Variants in SPARCL1 observed in about 807,000 individuals in gnomAD.
SPARCL1 encodes SPARC-like protein 1.
SPARCL1 carries 52 observed loss-of-function variants against 67.1 expected under a neutral mutation model. The ratio of observed to expected loss-of-function variants is 0.78; its 90% CI spans 0.62 to 0.98. The LOEUF (loss-of-function observed/expected upper bound fraction) is 0.98. Among genes scored for constraint, SPARCL1 ranks in the 50% least tolerant of loss-of-function variants. The pLI is 0.00. For missense variants in SPARCL1, 717 were observed against 782.4 expected, an observed-to-expected ratio of 0.92 and a Z score of 1.00; for synonymous variants, 226 against 267.8, an observed-to-expected ratio of 0.84 and a Z score of 1.52.
At chr4:87,499,631 C>A (rs1305671518) in intron 1 of SPARCL1, 46 bp from the exon 2 acceptor site, 2 of 1,397,756 alleles carry the variant, frequency 1.4e-6, no homozygotes, top group East Asian at 4.7e-5. Flanking sequence ...AAAGTTTCCT[C>A]ATGAAAAACT....
chr4:87,520,541 C>T (rs1725769750), intron 1 of SPARCL1, among the ~76,000 whole-genome samples: 1 of 152,130 alleles, frequency 6.6e-6, no homozygotes, highest in Admixed American at 6.5e-5. Flanking sequence ...GCAAGGCAAG[C>T]CAAGGTCATT....
Position 87,491,698 on chromosome 4 carries a change from A to AT in SPARCL1, c.1219-9dup. 1 of 1,606,546 alleles carries AT rather than the reference A, an allele frequency of 6.2e-7. No homozygotes were observed. On this transcript the variant is annotated splice_polypyrimidine_tract_variant and intron_variant, in intron 4 of 10. Coordinates refer to ENST00000282470, the MANE Select transcript of SPARCL1 (RefSeq NM_004684.6). ...GTTCTCTGCTTTCTTGGCCTTTAGA[A>AT]TAACAAGAGCAAAAGTTAAAATCTA...
intron 1 of SPARCL1, among the ~76,000 whole-genome samples, chr4:87,514,328 T>G (rs139940050): frequency 1.0e-3 from 158 of 152,346 alleles, no homozygotes; most frequent in Middle Eastern, 3.4e-3. Context: ...TTTTAAGGCA[T>G]AGAACAAGTC....
intron 8 of SPARCL1, among the ~76,000 whole-genome samples, chr4:87,480,820 C>CCT (rs59503255): frequency 0.042 from 5,554 of 133,358 alleles, 412 homozygotes; most frequent in African/African-American, 0.14. Context: ...ATGTTCGCTG[C>CCT]TTTTTTTTTT....
At position 87,494,995 on chromosome 4, in the gene SPARCL1, C is replaced by T. The variant is rs188965626; in HGVS notation, c.187G>A (p.Asp63Asn). The T allele has an allele frequency of 5.9e-5, 95 of 1,603,908 alleles. No homozygotes were observed. Among genetic ancestry groups the T allele is most frequent in the Admixed American group, 2.5e-4 (14 of 57,040 alleles). Residue 63 changes from aspartate (D) to asparagine (N), a missense_variant, in exon 3 of 11, where the codon GAT becomes AAT. Asp to Asn is a conservative substitution (Grantham distance 23). Coordinates refer to ENST00000282470, the MANE Select transcript of SPARCL1 (RefSeq NM_004684.6). ...EKETAVSTED[D>N]SHHKAEKSSV... ...GTTACTTTTACCTTATGGTGGGAAT[C>T]GTCTTCTGTGGATACTGCTGTTTCT...
intron 1 of SPARCL1, among the ~76,000 whole-genome samples, chr4:87,504,177 GT>G (rs1724977513): frequency 1.6e-5 from 2 of 123,636 alleles, no homozygotes; most frequent in African/African-American, 6.3e-5. Flanking sequence ...GTGTGTGTGT[GT>G]GTGTGGTGGG....
chr4:87,508,608 G>A (rs890185576), intron 1 of SPARCL1, among the ~76,000 whole-genome samples: 2 of 151,888 alleles, frequency 1.3e-5, no homozygotes, highest in Non-Finnish European at 2.9e-5. Context: ...TAAAGGCAGA[G>A]GAAGATTAGA....
chr4:87,505,374 G>A (rs183858245), intron 1 of SPARCL1, among the ~76,000 whole-genome samples: 1 of 151,960 alleles, frequency 6.6e-6, no homozygotes, highest in East Asian at 1.9e-4. Flanking sequence ...TAAATATGTG[G>A]ACTCTATTAG....
At chr4:87,522,112 T>C (rs899106124) in intron 1 of SPARCL1, among the ~76,000 whole-genome samples, 1 of 152,210 alleles carries the variant, frequency 6.6e-6, no homozygotes, top group African/African-American at 2.4e-5. Context: ...TTTTAAAGTA[T>C]TAATGAGTCT....
In SPARCL1 at chr4:87,522,637, CCAAA is replaced by C. The variant is rs1422142282; in HGVS notation, c.-12+6404_-12+6407del. Among the ~76,000 whole-genome samples the C allele has an allele frequency of 3.7e-5, 4 of 107,888 alleles. No homozygotes were observed. The East Asian group carries it at 1.1e-3, about 29-fold the overall frequency. The allele number at this position is 107,888 out of a possible 152,430, so 70.8% of individuals were successfully genotyped here. On this transcript the variant is annotated intron_variant, in intron 1 of 10. Transcript: ENST00000282470. ...CACCCGCTCCTCCCAGCCACCACCA[CCAAA>C]CACACACACACACACACACACACAC...
Position 87,494,559 on chromosome 4 carries a change from G to A in SPARCL1, c.241C>T (p.His81Tyr). Residue 81 changes from histidine (H) to tyrosine (Y), a missense_variant, in exon 4 of 11, where the codon CAT (histidine) becomes TAT (tyrosine). By Grantham distance (83) the His-to-Tyr change is moderately conservative. Coordinates refer to ENST00000282470, the MANE Select transcript of SPARCL1 (RefSeq NM_004684.6). Reference protein sequence around the residue: ...SSVLKSKEESHEQSAEQGKSS... With the variant: ...SSVLKSKEESYEQSAEQGKSS... Reference sequence around the variant, plus strand: ...TTGCCCTGTTCTGCTGACTGTTCATGGCTTTCCTCTTTTGACTTTAGTACT... The same window carrying A: ...TTGCCCTGTTCTGCTGACTGTTCATAGCTTTCCTCTTTTGACTTTAGTACT... 1 of 1,611,088 alleles carries A rather than the reference G, an allele frequency of 6.2e-7. No individual in the cohort carries two copies. Among genetic ancestry groups the A allele is most frequent in the South Asian group, 1.1e-5 (1 of 90,400 alleles).
intron 10 of SPARCL1, among the ~76,000 whole-genome samples, chr4:87,474,876 G>A (rs1723511138): frequency 6.6e-6 from 1 of 151,848 alleles, no homozygotes; most frequent in South Asian, 2.1e-4. Context: ...CCGAGTGGCT[G>A]GGACTACAGG....
At chr4:87,512,462 C>T (rs1457788511) in intron 1 of SPARCL1, among the ~76,000 whole-genome samples, 2 of 152,020 alleles carry the variant, frequency 1.3e-5, no homozygotes, top group Admixed American at 6.6e-5. Context: ...AGCATGATGC[C>T]AGCAGAAACT....
At chr4:87,508,897 A>ATATATATATG (rs1238461145) in intron 1 of SPARCL1, among the ~76,000 whole-genome samples, 5 of 147,186 alleles carry the variant, frequency 3.4e-5, no homozygotes, top group South Asian at 2.1e-4. Flanking sequence ...AAGTATATAT[A>ATATATATATG]TATATATATA....
intron 2 of SPARCL1, among the ~76,000 whole-genome samples, chr4:87,496,719 G>A (rs1021575623): frequency 6.6e-6 from 1 of 152,132 alleles, no homozygotes; most frequent in African/African-American, 2.4e-5. Context: ...TATTCACCAT[G>A]GATCTTTATT....
intron 1 of SPARCL1, among the ~76,000 whole-genome samples, chr4:87,508,111 G>A (rs1396001970): frequency 1.3e-5 from 2 of 152,174 alleles, no homozygotes; most frequent in Non-Finnish European, 2.9e-5. Context: ...AGGCACCATT[G>A]ACAACCACAT....
chr4:87,510,615 T>C (rs1289144892), intron 1 of SPARCL1, among the ~76,000 whole-genome samples: 1 of 151,896 alleles, frequency 6.6e-6, no homozygotes, highest in Non-Finnish European at 1.5e-5. Flanking sequence ...AGCTCACCTC[T>C]CCACTGAGAG....
chr4:87,475,396 G>T (rs1039060139), intron 10 of SPARCL1, among the ~76,000 whole-genome samples: 4 of 152,132 alleles, frequency 2.6e-5, no homozygotes, highest in Admixed American at 1.3e-4. Flanking sequence ...CATTTCAGGA[G>T]AAACTTCATT....
At chr4:87,509,812 T>C (rs946375766) in intron 1 of SPARCL1, among the ~76,000 whole-genome samples, 2 of 152,242 alleles carry the variant, frequency 1.3e-5, no homozygotes, top group African/African-American at 4.8e-5. Context: ...TCTGTGTGTG[T>C]GCACACATGT....
Sources: allele counts gnomAD v4.1 joint callset (sites outside exome capture counted in the v4.1 genomes callset), GRCh38; gene constraint gnomAD v4.1.1; transcripts MANE v1.5; gene names NCBI Gene and HGNC (gene_info 2026-07-23, HGNC 2026-07-21).